The following GOLGA4 variants were observed in gnomAD, a reference collection of about 807,000 sequenced individuals.
The protein encoded by GOLGA4 is golgin A4, also known as golgin subfamily A member 4.
Under a neutral mutation model 265.9 loss-of-function variants are expected in GOLGA4, and 169 were observed. The ratio of observed to expected loss-of-function variants is 0.64; its 90% CI spans 0.56 to 0.72. GOLGA4 has a LOEUF of 0.72. GOLGA4 is among the 30% of genes least tolerant of loss of function. The pLI, the probability that GOLGA4 is intolerant of heterozygous loss-of-function variation, is 0.00. For missense variants in GOLGA4, 2,482 were observed against 2,483.4 expected, an observed-to-expected ratio of 1.00 and a Z score of 0.01; for synonymous variants, 923 against 855.8, an observed-to-expected ratio of 1.08 and a Z score of -1.37.
At chr3:37,365,653 T>C (rs1696691681) in intron 23 of GOLGA4, among the ~76,000 whole-genome samples, 3 of 152,208 alleles carry the variant, frequency 2.0e-5, no homozygotes, top group Non-Finnish European at 1.5e-5. Context: ...ACTGGTAGCA[T>C]TCGATATATG....
intron 2 of GOLGA4, among the ~76,000 whole-genome samples, chr3:37,276,915 A>G (rs1242612888): frequency 2.0e-5 from 3 of 152,276 alleles, no homozygotes; most frequent in Admixed American, 6.5e-5. Context: ...TTTCTTTTAC[A>G]CTGTGAAACA....
intron 2 of GOLGA4, among the ~76,000 whole-genome samples, chr3:37,269,806 A>G (rs1219816397): frequency 6.6e-6 from 1 of 151,852 alleles, no homozygotes; most frequent in Non-Finnish European, 1.5e-5. Flanking sequence ...ATAAATTGAA[A>G]TATATATATG....
At chr3:37,354,672 G>C (rs1398214273) in intron 21 of GOLGA4, among the ~76,000 whole-genome samples, 1 of 151,974 alleles carries the variant, frequency 6.6e-6, no homozygotes, top group Admixed American at 6.6e-5. Flanking sequence ...TGCAGTAGCC[G>C]TGTTTATGAG....
chr3:37,292,211 G>A (rs2096866561), intron 5 of GOLGA4, among the ~76,000 whole-genome samples: 1 of 152,168 alleles, frequency 6.6e-6, no homozygotes, highest in African/African-American at 2.4e-5. Context: ...CTATGTAACA[G>A]AGTCCAGCAT....
At position 37,327,309 on chromosome 3, in the gene GOLGA4, A is replaced by T; in HGVS notation, c.5423A>T (p.Tyr1808Phe). 1 of 1,613,886 alleles carries T rather than the reference A, an allele frequency of 6.2e-7. No individual in the cohort carries two copies. The highest frequency in any genetic ancestry group is 2.2e-5 in the East Asian group (1 of 44,880). ...QEELEEKNKKYSLIVAQHVEK... is the reference protein window; with the variant it reads ...QEELEEKNKKFSLIVAQHVEK... ...GAGCTTGAAGAAAAAAACAAGAAAT[A>T]TTCCTTGATAGTAGCCCAGCATGTG... Residue 1808 changes from tyrosine to phenylalanine, a missense_variant, in exon 14 of 24, where the codon TAT becomes TTT. By Grantham distance (22) the Tyr-to-Phe change is conservative. Around this residue, in one of 3 missense-constraint regions of GOLGA4, gnomAD observed 942 missense variants for 983.1 expected, o/e 0.96. Transcript: ENST00000361924.
Position 37,362,780 on chromosome 3 carries a change from C to CTTTTTTTTTT in GOLGA4, c.*33+1486_*33+1495dup, listed in dbSNP as rs71094906. ...CGATCTTCCTACCTCAGCCTCTAAG[C>CTTTTTTTTTT]TTTTTTTTTTTTTTTTTTTTGAGAC... On this transcript the variant is annotated intron_variant, in intron 23 of 23. Transcript: ENST00000361924. Among the ~76,000 whole-genome samples the CTTTTTTTTTT allele has an allele frequency of 3.7e-4, 28 of 75,458 alleles. 5 individuals are homozygous for CTTTTTTTTTT. Among genetic ancestry groups the CTTTTTTTTTT allele is most frequent in the African/African-American group, 7.2e-4 (14 of 19,484 alleles). 49.5% of individuals were successfully genotyped at this position (75,458 alleles called of 152,430 possible).
At chr3:37,270,360 C>A (rs1424542446) in intron 2 of GOLGA4, among the ~76,000 whole-genome samples, 1 of 150,572 alleles carries the variant, frequency 6.6e-6, no homozygotes, top group Non-Finnish European at 1.5e-5. Context: ...TGCCTGCCAC[C>A]ACGACGTTTT....
In GOLGA4 at chr3:37,325,269, A is replaced by G. The variant is rs754293342; in HGVS notation, c.3383A>G (p.Asp1128Gly). ...GCCCATGTGAATTCTCTTGCACAAG[A>G]TGAAACTAAACTGAAAGCTCATCTT... Reference protein sequence around the residue: ...KSAHVNSLAQDETKLKAHLEK... With the variant: ...KSAHVNSLAQGETKLKAHLEK... The change falls in exon 14 of 24, where the codon GAT becomes GGT. Residue 1128 changes from aspartate (D) to glycine (G), a missense_variant. Transcript: ENST00000361924. 1.2e-6 allele frequency: 2 copies of G among 1,613,462 alleles called. No individual in the cohort carries two copies. The highest frequency in any genetic ancestry group is 8.5e-7 in the Non-Finnish European group (1 of 1,179,734).
chr3:37,345,384 C>T (rs974794164), intron 20 of GOLGA4, among the ~76,000 whole-genome samples: 4 of 152,174 alleles, frequency 2.6e-5, no homozygotes, highest in African/African-American at 9.7e-5. Context: ...TTATCTGTAA[C>T]ACACAATTAA....
In GOLGA4 at chr3:37,351,082, G is replaced by A. The variant is rs569423058; in HGVS notation, c.6576+3786G>A. The stretch of plus-strand genomic sequence containing the variant: ...CCATAGAACTTCTTTCAAAATTGCG[G>A]TCAGTTCTCTCAAAATTGCAGTCAG... On this transcript the variant is annotated intron_variant, in intron 21 of 23. Transcript: ENST00000361924. 6.6e-5 allele frequency among the ~76,000 whole-genome samples: 10 copies of A among 152,192 alleles called. No homozygotes were observed. In the East Asian group the frequency reaches 1.9e-3, roughly 29 times the overall value.
intron 9 of GOLGA4, among the ~76,000 whole-genome samples, 165 bp from the exon 10 acceptor site, chr3:37,302,020 C>T (rs963838513): frequency 6.6e-6 from 1 of 152,194 alleles, no homozygotes; most frequent in Non-Finnish European, 1.5e-5. Flanking sequence ...AACTCCTGAT[C>T]TCAGGTGATC....
chr3:37,305,337 T>TATCA (rs1028465995), intron 10 of GOLGA4, among the ~76,000 whole-genome samples: 1 of 152,248 alleles, frequency 6.6e-6, no homozygotes, highest in African/African-American at 2.4e-5. Context: ...AGGGCTATGA[T>TATCA]GCAAAGTTGT....
chr3:37,306,564 G>A lies in GOLGA4; in HGVS notation c.1234+4232G>A, dbSNP rs144017507. Among the ~76,000 whole-genome samples, 1,458 of 150,598 alleles carry A rather than the reference G, an allele frequency of 9.7e-3. 91 individuals are homozygous for A. Among genetic ancestry groups the A allele is most frequent in the Admixed American group, 0.091 (1,365 of 15,060 alleles). On this transcript the variant is annotated intron_variant, in intron 10 of 23. Coordinates refer to ENST00000361924, the MANE Select transcript of GOLGA4 (RefSeq NM_002078.5). ...GTGTGTATCAGGATAGGAGATAGGGGTAGCTAATTATTAATGCAGTGTATT... is the reference window on the plus strand; with the variant it reads ...GTGTGTATCAGGATAGGAGATAGGGATAGCTAATTATTAATGCAGTGTATT...
chr3:37,310,719 GT>G, intron 10 of GOLGA4, among the ~76,000 whole-genome samples: 1 of 148,844 alleles, frequency 6.7e-6, no homozygotes, highest in East Asian at 1.9e-4. Context: ...TATTTTTAAA[GT>G]GTGTGTGTGT....
At chr3:37,364,317 T>C in intron 23 of GOLGA4, among the ~76,000 whole-genome samples, 1 of 152,130 alleles carries the variant, frequency 6.6e-6, no homozygotes, top group Non-Finnish European at 1.5e-5. Context: ...CTCGGCTCAC[T>C]GCAACCTCCA....
chr3:37,257,974 CATATATATATGTATGTATATATGTATAT>C (rs1560280033), intron 2 of GOLGA4, among the ~76,000 whole-genome samples: 1 of 40,214 alleles, frequency 2.5e-5, no homozygotes, highest in African/African-American at 1.4e-4. Context: ...TATATACATA[CATATATATATGTATGTATATATGTATAT>C]ATACATACAT....
chr3:37,354,458 T>C (rs2097084684), intron 21 of GOLGA4, among the ~76,000 whole-genome samples: 1 of 152,040 alleles, frequency 6.6e-6, no homozygotes, highest in African/African-American at 2.4e-5. Context: ...TCCAGGAGCT[T>C]ATGGGTGACA....
chr3:37,253,086 AAAAATAAAAT>A lies in GOLGA4; in HGVS notation c.162+1613_162+1622del, dbSNP rs557049453. On this transcript the variant is annotated intron_variant, in intron 2 of 23. Transcript: ENST00000361924. ...CAACAGAGTGAGACCCTGTTTCTGC[AAAAATAAAAT>A]AAAATAAAATTAGCTAGGTATGGTG... is the stretch of plus-strand genomic sequence containing the variant. Among the ~76,000 whole-genome samples the A allele has an allele frequency of 4.2e-3, 635 of 152,166 alleles. 2 individuals are homozygous for A. Among genetic ancestry groups the A allele is most frequent in the Non-Finnish European group, 7.2e-3 (492 of 68,008 alleles).
At chr3:37,334,674 G>A (rs1266449138) in intron 16 of GOLGA4, among the ~76,000 whole-genome samples, 1 of 152,170 alleles carries the variant, frequency 6.6e-6, no homozygotes, top group East Asian at 1.9e-4. Context: ...GATACGTATT[G>A]TAGTTCTATC....
Sources: allele counts gnomAD v4.1 joint callset (sites outside exome capture counted in the v4.1 genomes callset), GRCh38; gene constraint gnomAD v4.1.1; regional missense constraint gnomAD v4.1.1; transcripts MANE v1.5; gene names NCBI Gene and HGNC (gene_info 2026-07-23, HGNC 2026-07-21).